Variants in DNAI2 observed in about 807,000 individuals in gnomAD.
DNAI2 encodes dynein, axonemal, intermediate polypeptide 2.
In DNAI2, 63 loss-of-function variants were observed where a neutral mutation model predicts 74.7. That is an observed-to-expected ratio of 0.84 (90% CI 0.69 to 1.04). The LOEUF (loss-of-function observed/expected upper bound fraction) is 1.04, where lower values mean the gene tolerates loss of function less well. Among genes scored for constraint, DNAI2 ranks in the 50% least tolerant of loss-of-function variants. The pLI, the probability that DNAI2 is intolerant of heterozygous loss-of-function variation, is 0.00. For missense variants in DNAI2, 688 were observed against 803.2 expected, an observed-to-expected ratio of 0.86 and a Z score of 1.73; for synonymous variants, 289 against 314.9, an observed-to-expected ratio of 0.92 and a Z score of 0.87.
intron 9 of DNAI2, among the ~76,000 whole-genome samples, chr17:74,307,703 TA>T (rs59546087): frequency 0.016 from 2,248 of 142,084 alleles, 51 homozygotes; most frequent in African/African-American, 0.055. Flanking sequence ...ATCTGAATTT[TA>T]AAAAAAAAAA....
chr17:74,308,761 A>G (rs138837180), intron 9 of DNAI2, among the ~76,000 whole-genome samples: 2,410 of 152,032 alleles, frequency 0.016, 63 homozygotes, highest in African/African-American at 0.055. Context: ...GCTTCAAGCG[A>G]TCTTCCTGCC....
chr17:74,280,962 C>T (rs2051353605), intron 1 of DNAI2, among the ~76,000 whole-genome samples: 1 of 151,742 alleles, frequency 6.6e-6, no homozygotes, highest in South Asian at 2.1e-4. Context: ...GTACTGCACA[C>T]CTGTGGTCCC....
chr17:74,281,542 G>A, intron 1 of DNAI2: 1 of 586,752 alleles, frequency 1.7e-6, no homozygotes, highest in East Asian at 2.8e-5. Context: ...ACAGTTGTCA[G>A]CTACCGCGCC....
At chr17:74,313,994 A>C in intron 12 of DNAI2, 127 bp from the exon 13 acceptor site, 2 of 1,505,658 alleles carry the variant, frequency 1.3e-6, no homozygotes, top group East Asian at 2.3e-5. Context: ...CCCGGGTTCC[A>C]GGGTGCTCAG....
chr17:74,308,845 C>T (rs575222865), intron 9 of DNAI2, among the ~76,000 whole-genome samples: 2 of 152,134 alleles, frequency 1.3e-5, no homozygotes, highest in South Asian at 4.1e-4. Context: ...CTGTCAGACA[C>T]CTGAGGTCAA....
At chr17:74,277,487 G>T (rs891736700) in intron 1 of DNAI2, among the ~76,000 whole-genome samples, 1 of 152,224 alleles carries the variant, frequency 6.6e-6, no homozygotes, top group African/African-American at 2.4e-5. Flanking sequence ...GTGGGATGGG[G>T]TGGTACTGTC....
Position 74,314,212 on chromosome 17 carries a change from C to A in DNAI2, c.1814C>A (p.Ala605Asp). 1 of 1,614,120 alleles carries A rather than the reference C, an allele frequency of 6.2e-7. No individual in the cohort carries two copies. Among genetic ancestry groups the A allele is most frequent in the Non-Finnish European group, 8.5e-7 (1 of 1,179,964 alleles). ...EGDEEVEEDLA is the reference protein window; with the variant it reads ...EGDEEVEEDLD Reference sequence around the variant, plus strand: ...GATGAAGAAGTGGAAGAAGACTTAGCCTAGAAGTCAGCCTTCGACTGCGGC... The same window carrying A: ...GATGAAGAAGTGGAAGAAGACTTAGACTAGAAGTCAGCCTTCGACTGCGGC... The change falls in exon 13 of 14, where the codon GCC becomes GAC. Residue 605 changes from alanine (A) to aspartate (D), a missense_variant. Coordinates refer to ENST00000311014, the MANE Select transcript of DNAI2 (RefSeq NM_023036.6).
At chr17:74,309,798 C>T (rs1488025008) in intron 10 of DNAI2, 13 of 672,422 alleles carry the variant, frequency 1.9e-5, no homozygotes, top group African/African-American at 3.6e-5. Flanking sequence ...CACAGGGTGA[C>T]TGTGAGGCGG....
At chr17:74,292,700 C>T (rs989919382) in intron 6 of DNAI2, among the ~76,000 whole-genome samples, 4 of 152,080 alleles carry the variant, frequency 2.6e-5, no homozygotes, top group Non-Finnish European at 5.9e-5. Flanking sequence ...GGATGAACCA[C>T]CACACCTGGC....
At chr17:74,292,888 G>T (rs1235188060) in intron 6 of DNAI2, among the ~76,000 whole-genome samples, 1 of 150,916 alleles carries the variant, frequency 6.6e-6, no homozygotes, top group African/African-American at 2.4e-5. Context: ...GGAGTGCAGT[G>T]GCGCGATCTT....
At chr17:74,309,161 T>G in intron 9 of DNAI2, 92 bp from the exon 10 acceptor site, 16 of 1,438,916 alleles carry the variant, frequency 1.1e-5, no homozygotes, top group Non-Finnish European at 1.4e-5. Context: ...AGCAAGACTC[T>G]GAGATCCTGG....
intron 12 of DNAI2, 49 bp downstream of exon 12, chr17:74,312,279 A>G (rs768428109): frequency 1.9e-6 from 1 of 531,408 alleles, no homozygotes; most frequent in East Asian, 4.4e-5. Flanking sequence ...GGCGGGACAC[A>G]TGGCACTTGG....
chr17:74,299,680 G>A (rs755618314), intron 6 of DNAI2, 38 bp from the exon 7 acceptor site: 2 of 1,612,386 alleles, frequency 1.2e-6, no homozygotes, highest in Non-Finnish European at 1.7e-6. Context: ...GGAAGCCTGT[G>A]CCCCCTTCCA....
chr17:74,301,287 C>G, intron 8 of DNAI2, 119 bp downstream of exon 8: 1 of 1,455,484 alleles, frequency 6.9e-7, no homozygotes, highest in African/African-American at 1.4e-5. Context: ...AGGGAGGCCA[C>G]CCTCACTGCA....
At chr17:74,286,141 C>T (rs538031304) in intron 3 of DNAI2, among the ~76,000 whole-genome samples, 4 of 151,274 alleles carry the variant, frequency 2.6e-5, no homozygotes, top group African/African-American at 7.3e-5. Context: ...ACTAAAAATA[C>T]AAAAATTAGC....
chr17:74,307,674 A>G (rs1175474305), intron 9 of DNAI2, among the ~76,000 whole-genome samples: 1 of 152,036 alleles, frequency 6.6e-6, no homozygotes, highest in East Asian at 1.9e-4. Flanking sequence ...AAAAAAAATA[A>G]TATTTGGCAC....
chr17:74,297,573 A>G (rs977111107), intron 6 of DNAI2, among the ~76,000 whole-genome samples: 2 of 149,604 alleles, frequency 1.3e-5, no homozygotes, highest in East Asian at 4.0e-4. Context: ...ATAGAAACAG[A>G]GTTTTGTCAT....
intron 1 of DNAI2, among the ~76,000 whole-genome samples, chr17:74,274,765 T>A (rs1239286988): frequency 6.6e-6 from 1 of 152,186 alleles, no homozygotes; most frequent in Non-Finnish European, 1.5e-5. Context: ...GATAGAGGGA[T>A]GTAAATTAAC....
At chr17:74,301,277 A>C in intron 8 of DNAI2, 109 bp downstream of exon 8, 2 of 1,542,104 alleles carry the variant, frequency 1.3e-6, no homozygotes, top group Non-Finnish European at 8.9e-7. Context: ...GCACCAGCCC[A>C]GGGAGGCCAC....
Sources: allele counts gnomAD v4.1 joint callset (sites outside exome capture counted in the v4.1 genomes callset), GRCh38; gene constraint gnomAD v4.1.1; transcripts MANE v1.5; gene names NCBI Gene and HGNC (gene_info 2026-07-23, HGNC 2026-07-21).